RABGAP1: variants seen among roughly 807,000 people sequenced by gnomAD.
RABGAP1 encodes RAB GTPase activating protein 1.
RABGAP1 carries 23 observed loss-of-function variants against 137.6 expected under a neutral mutation model. The observed-to-expected ratio is 0.17, with a 90% CI of 0.12 to 0.24. The LOEUF (loss-of-function observed/expected upper bound fraction) is 0.24. Among genes scored for constraint, RABGAP1 ranks in the 10% least tolerant of loss-of-function variants. RABGAP1 has a pLI of 1.00. For missense variants in RABGAP1, 906 were observed against 1,275.8 expected (o/e 0.71, Z 4.42); for synonymous variants, 451 against 450.7 (o/e 1.00, Z -0.01).
At chr9:123,080,111 T>C (rs945893284) in intron 19 of RABGAP1, among the ~76,000 whole-genome samples, 1 of 152,230 alleles carries the variant, frequency 6.6e-6, no homozygotes, top group African/African-American at 2.4e-5. Flanking sequence ...TGAAACACTT[T>C]AATAATATAT....
intron 2 of RABGAP1, among the ~76,000 whole-genome samples, chr9:122,965,937 A>C (rs972396901): frequency 6.6e-6 from 1 of 152,328 alleles, no homozygotes; most frequent in African/African-American, 2.4e-5. Context: ...TGAGTAAATT[A>C]GATATAGGGT....
In RABGAP1 at chr9:122,973,747, C is replaced by T. The variant is rs12346141; in HGVS notation, c.151-10738C>T. Among the ~76,000 whole-genome samples, 247 of 152,054 alleles carry T rather than the reference C, an allele frequency of 1.6e-3. 1 individual carries two copies. Among genetic ancestry groups the T allele is most frequent in the African/African-American group, 5.6e-3 (233 of 41,512 alleles). ...ATAATCTGCTGGACGTGGTGGCTCA[C>T]GCCTGTAATCCCAGCACTTTGGGAG... On this transcript the variant is annotated intron_variant, in intron 2 of 25. Coordinates refer to ENST00000373647, the MANE Select transcript of RABGAP1 (RefSeq NM_012197.4).
intron 10 of RABGAP1, among the ~76,000 whole-genome samples, chr9:123,006,761 C>G (rs2030312729): frequency 6.6e-6 from 1 of 152,074 alleles, no homozygotes; most frequent in African/African-American, 2.4e-5. Flanking sequence ...GGTTGCACCA[C>G]CACGCCTGGC....
intron 13 of RABGAP1, among the ~76,000 whole-genome samples, chr9:123,047,875 A>G (rs967903094): frequency 2.2e-5 from 3 of 138,872 alleles, no homozygotes; most frequent in Middle Eastern, 4.5e-3. Flanking sequence ...ATATTTGTTA[A>G]TTGTTATAAG....
rs10675843 is a variant in RABGAP1, at chr9:123,103,963, T to TTGTGTGTGTGTGTGTGTGTGTG, written c.*762_*783dup. 13 of 141,502 alleles carry TTGTGTGTGTGTGTGTGTGTGTG rather than the reference T, an allele frequency of 9.2e-5. No individual in the cohort carries two copies. The highest frequency in any genetic ancestry group is 3.2e-4 in the African/African-American group (12 of 37,574). 8.8% of individuals were successfully genotyped at this position (141,502 alleles called of 1,614,324 possible). A position where few individuals can be genotyped will look rare whatever the true frequency, so the allele number is the denominator to read the frequency against. On this transcript the variant is annotated 3_prime_UTR_variant, in exon 26 of 26. Coordinates refer to ENST00000373647, the MANE Select transcript of RABGAP1 (RefSeq NM_012197.4). Reference sequence around the variant, plus strand: ...ACAAATCTTATTTTGCTTAATGTGTTTGTGTGTGTGTGTGTGTGTGTGTGT... The same window carrying TTGTGTGTGTGTGTGTGTGTGTG: ...ACAAATCTTATTTTGCTTAATGTGTTTGTGTGTGTGTGTGTGTGTGTGTGTGTGTGTGTGTGTGTGTGTGTGT...
chr9:122,957,564 A>G (rs1019570136), intron 2 of RABGAP1, among the ~76,000 whole-genome samples: 1 of 152,032 alleles, frequency 6.6e-6, no homozygotes, highest in Non-Finnish European at 1.5e-5. Context: ...GATGCTATTT[A>G]TGAAAATGTG....
chr9:122,973,449 G>T (rs1370090113), intron 2 of RABGAP1, among the ~76,000 whole-genome samples: 7 of 151,904 alleles, frequency 4.6e-5, no homozygotes, highest in Non-Finnish European at 5.9e-5. Flanking sequence ...TGTTAGCCAG[G>T]ATGGTCTCGA....
intron 1 of RABGAP1, among the ~76,000 whole-genome samples, chr9:122,943,628 A>G (rs1429231378): frequency 6.6e-6 from 1 of 152,142 alleles, no homozygotes; most frequent in Middle Eastern, 3.2e-3. Flanking sequence ...CACACAATTT[A>G]TTAACTGAAC....
chr9:123,090,399 G>C lies in RABGAP1; in HGVS notation c.2628+14G>C. 5 of 1,574,162 alleles carry C rather than the reference G, an allele frequency of 3.2e-6. No individual in the cohort carries two copies. Among genetic ancestry groups the C allele is most frequent in the Non-Finnish European group, 4.3e-6 (5 of 1,149,676 alleles). On this transcript the variant is annotated intron_variant, in intron 21 of 25. Transcript: ENST00000373647. ...GACCTGGATAACGTAAGTCCAACGG[G>C]TCTGAAGGGAAAGATCTCACTGAGA... is the stretch of plus-strand genomic sequence containing the variant.
chr9:122,955,249 A>G (rs1191433191), intron 1 of RABGAP1, among the ~76,000 whole-genome samples: 1 of 152,214 alleles, frequency 6.6e-6, no homozygotes, highest in African/African-American at 2.4e-5. Context: ...TCTTTACCCT[A>G]AATCAGTACT....
At chr9:122,960,956 A>AGATC (rs1834820157) in intron 2 of RABGAP1, among the ~76,000 whole-genome samples, 1 of 152,214 alleles carries the variant, frequency 6.6e-6, no homozygotes, top group Non-Finnish European at 1.5e-5. Flanking sequence ...ACTTGACGAT[A>AGATC]GATCAGTAGA....
chr9:123,006,474 C>T lies in RABGAP1; in HGVS notation c.1375-3880C>T, dbSNP rs372005312. Among the ~76,000 whole-genome samples the T allele has an allele frequency of 1.9e-4, 29 of 152,220 alleles. 1 individual carries two copies. Among genetic ancestry groups the T allele is most frequent in the Admixed American group, 1.0e-3 (16 of 15,288 alleles). On this transcript the variant is annotated intron_variant, in intron 10 of 25. Transcript: ENST00000373647. ...CATTAAAAACTATTAACTTTTCTAC[C>T]CAGTGATTTGAAATGCTACACTTAT...
At chr9:123,020,683 A>C (rs909249277) in intron 13 of RABGAP1, among the ~76,000 whole-genome samples, 2 of 152,118 alleles carry the variant, frequency 1.3e-5, no homozygotes, top group Non-Finnish European at 2.9e-5. Context: ...CTTCTAGCCC[A>C]TTGTATATCC....
At chr9:123,089,459 A>C (rs1456101001) in intron 19 of RABGAP1, 2 of 275,066 alleles carry the variant, frequency 7.3e-6, no homozygotes, top group African/African-American at 4.3e-5. Context: ...TGGCATTATT[A>C]TTAGGGACAA....
At chr9:122,981,496 G>A (rs1836054371) in intron 2 of RABGAP1, among the ~76,000 whole-genome samples, 2 of 152,098 alleles carry the variant, frequency 1.3e-5, no homozygotes, top group Non-Finnish European at 2.9e-5. Context: ...ATCTAAGATT[G>A]TTTCTCAGAG....
chr9:122,990,173 T>A lies in RABGAP1; in HGVS notation c.883T>A (p.Ser295Thr). The A allele has an allele frequency of 6.2e-7, 1 of 1,611,032 alleles. No individual in the cohort carries two copies. The highest frequency in any genetic ancestry group is 8.5e-7 in the Non-Finnish European group (1 of 1,177,464). ...CAGTGACATCTTTACCTTCTCTGTG[T>A]CTTTAGAAATAAAAGAAGATGATGG... ...PDSDIFTFSV[S>T]LEIKEDDGKG... Residue 295 changes from serine to threonine, a missense_variant, in exon 6 of 26, where the codon TCT becomes ACT. Ser to Thr is a moderately conservative substitution (Grantham distance 58, BLOSUM62 1). Around this residue, in one of 9 missense-constraint regions of RABGAP1, gnomAD observed 331 missense variants for 358.3 expected, o/e 0.92. Transcript: ENST00000373647.
At chr9:122,973,485 G>A (rs867286192) in intron 2 of RABGAP1, among the ~76,000 whole-genome samples, 3 of 151,828 alleles carry the variant, frequency 2.0e-5, no homozygotes, top group Non-Finnish European at 4.4e-5. Context: ...CACCCGCCTC[G>A]GCCTCCCAAA....
At chr9:123,055,437 G>C (rs1202026205) in intron 13 of RABGAP1, among the ~76,000 whole-genome samples, 1 of 151,932 alleles carries the variant, frequency 6.6e-6, no homozygotes, top group Non-Finnish European at 1.5e-5. Flanking sequence ...TCACCGTGTT[G>C]CCCAGGCTGG....
At chr9:122,968,702 C>T (rs922179388) in intron 2 of RABGAP1, among the ~76,000 whole-genome samples, 1 of 152,066 alleles carries the variant, frequency 6.6e-6, no homozygotes, top group Non-Finnish European at 1.5e-5. Context: ...ACAACCTCTG[C>T]CTCCCAGGTT....
Sources: gnomAD v4.1 joint callset for allele counts (sites outside exome capture counted in the v4.1 genomes callset) on GRCh38, gnomAD v4.1.1 for gene constraint, gnomAD v4.1.1 regional missense constraint, MANE v1.5 for transcripts, NCBI Gene and HGNC (gene_info 2026-07-23, HGNC 2026-07-21) for gene names.